DHRSX: variants seen among roughly 807,000 people sequenced by gnomAD.
DHRSX encodes polyprenol dehydrogenase.
In DHRSX, 31 loss-of-function variants were observed where a neutral mutation model predicts 34.0. That is an observed-to-expected ratio of 0.91 (90% CI 0.69 to 1.23). The LOEUF is 1.23. Among genes scored for constraint, DHRSX ranks in the 50% most tolerant of loss-of-function variants. The probability of loss-of-function intolerance (pLI) is 0.00; values close to 1 mark genes in which losing one functional copy is unlikely to be tolerated. For synonymous variants in DHRSX, 201 were observed against 183.8 expected (o/e 1.09, Z -0.76); for missense variants, 414 against 428.1 (o/e 0.97, Z 0.29).
At chrX:2,229,937 G>A (rs1205606182) in intron 6 of DHRSX, among the ~76,000 whole-genome samples, 6 of 152,156 alleles carry the variant, frequency 3.9e-5, no homozygotes, top group East Asian at 1.9e-4. Context: ...GAATGCACAT[G>A]TGAATATGTG....
chrX:2,370,772 G>C lies in DHRSX; in HGVS notation c.286+37973C>G, dbSNP rs138207566. ...ATCTAACGTGATCACATTTTGGTTG[G>C]GTTTCTCTCCTCCTATCAGGCCCCG... On this transcript the variant is annotated intron_variant, in intron 3 of 6. Transcript: ENST00000334651. 9.6e-3 allele frequency among the ~76,000 whole-genome samples: 1,459 copies of C among 152,062 alleles called. 40 individuals carry two copies. The highest frequency in any genetic ancestry group is 0.087 in the East Asian group (451 of 5,164).
intron 1 of DHRSX, among the ~76,000 whole-genome samples, chrX:2,462,356 G>GA (rs2044414637): frequency 6.6e-6 from 1 of 151,868 alleles, no homozygotes; most frequent in Non-Finnish European, 1.5e-5. Context: ...ACGGTTAAGG[G>GA]AAAAAAAGGC....
At chrX:2,276,113 A>G (rs2041636787) in intron 4 of DHRSX, among the ~76,000 whole-genome samples, 1 of 152,198 alleles carries the variant, frequency 6.6e-6, no homozygotes. Flanking sequence ...AAGTGCTGGG[A>G]TTACAGGCGT....
intron 5 of DHRSX, among the ~76,000 whole-genome samples, chrX:2,246,032 C>T (rs1370433382): frequency 4.0e-5 from 6 of 150,924 alleles, no homozygotes; most frequent in African/African-American, 1.2e-4. Flanking sequence ...ACGTTGCACA[C>T]GTCATCAGGA....
intron 1 of DHRSX, chrX:2,489,405 T>C: frequency 6.2e-7 from 1 of 1,613,848 alleles, no homozygotes; most frequent in Non-Finnish European, 8.5e-7. Context: ...TTGGAGTCGG[T>C]CTCCTTGATG....
intron 2 of DHRSX, among the ~76,000 whole-genome samples, chrX:2,409,997 C>T (rs2043605717): frequency 6.6e-6 from 1 of 152,140 alleles, no homozygotes; most frequent in Non-Finnish European, 1.5e-5. Flanking sequence ...CTCCACAGTG[C>T]TGGGATGACA....
chrX:2,313,134 C>T (rs1045230854), intron 3 of DHRSX, among the ~76,000 whole-genome samples: 3 of 151,184 alleles, frequency 2.0e-5, no homozygotes, highest in African/African-American at 7.3e-5. Context: ...TCCCAAGTAG[C>T]TGGAATTACA....
chrX:2,371,235 C>A lies in DHRSX; in HGVS notation c.286+37510G>T, dbSNP rs1471478363. Among the ~76,000 whole-genome samples, 15 of 139,780 alleles carry A rather than the reference C, an allele frequency of 1.1e-4. No homozygotes were observed. The Admixed American group carries it at 1.1e-3, about 10-fold the overall frequency. 91.7% of individuals were successfully genotyped at this position (139,780 alleles called of 152,430 possible). A position where few individuals can be genotyped will look rare whatever the true frequency, so the allele number is the denominator to read the frequency against. On this transcript the variant is annotated intron_variant, in intron 3 of 6. Transcript: ENST00000334651. Reference sequence around the variant, plus strand: ...TTCTCCCGTTACCGTAGTCCCTCCCCATTACCATAGTCCCTCCTCCATTAC... The same window carrying A: ...TTCTCCCGTTACCGTAGTCCCTCCCAATTACCATAGTCCCTCCTCCATTAC...
chrX:2,270,044 T>C (rs1480440907), intron 4 of DHRSX, among the ~76,000 whole-genome samples: 1 of 152,184 alleles, frequency 6.6e-6, no homozygotes, highest in Non-Finnish European at 1.5e-5. Flanking sequence ...TTTGTATATG[T>C]AGAGGTGTAT....
intron 3 of DHRSX, among the ~76,000 whole-genome samples, chrX:2,307,789 T>TAA (rs747096554): frequency 4.0e-4 from 41 of 103,694 alleles, no homozygotes; most frequent in Non-Finnish European, 7.4e-4. Flanking sequence ...GTAATAAAAA[T>TAA]AAAAAAAATA....
At chrX:2,500,559 G>T (rs2045395165) in intron 1 of DHRSX, 1 of 174,696 alleles carries the variant, frequency 5.7e-6, no homozygotes, top group Non-Finnish European at 1.2e-5. Context: ...CACGCGCGGG[G>T]AGGGAAGGGT....
intron 1 of DHRSX, among the ~76,000 whole-genome samples, chrX:2,485,767 GGAAGGAAGGGAGAAAAGGGAGA>G (rs1569506170): frequency 0.014 from 686 of 50,390 alleles, 26 homozygotes; most frequent in Admixed American, 0.085. Flanking sequence ...AGGGAGAGAA[GGAAGGAAGGGAGAAAAGGGAGA>G]GAAGGGAGAG....
chrX:2,251,964 A>G (rs950847834), intron 5 of DHRSX, among the ~76,000 whole-genome samples: 5 of 152,112 alleles, frequency 3.3e-5, no homozygotes, highest in African/African-American at 9.7e-5. Flanking sequence ...TTGGCTGGGT[A>G]TGGTGGCTTA....
chrX:2,260,458 T>C (rs1269380101), intron 5 of DHRSX, among the ~76,000 whole-genome samples: 1 of 137,320 alleles, frequency 7.3e-6, no homozygotes, highest in Non-Finnish European at 1.5e-5. Context: ...ATTTTCTACT[T>C]CATTTTTTTT....
chrX:2,469,061 A>C (rs2044546065), intron 1 of DHRSX, among the ~76,000 whole-genome samples: 3 of 150,590 alleles, frequency 2.0e-5, no homozygotes, highest in Non-Finnish European at 3.0e-5. Flanking sequence ...CCATGTACAC[A>C]CTGAAGGCAT....
At chrX:2,464,188 C>G (rs982604545) in intron 1 of DHRSX, among the ~76,000 whole-genome samples, 2 of 106,398 alleles carry the variant, frequency 1.9e-5, no homozygotes, top group African/African-American at 1.2e-4. Flanking sequence ...GTTTCCTAGG[C>G]ATGTGGCTAA....
chrX:2,305,563 C>A (rs1319061129), intron 3 of DHRSX, among the ~76,000 whole-genome samples: 3 of 152,060 alleles, frequency 2.0e-5, no homozygotes, highest in African/African-American at 7.2e-5. Context: ...CAGCACTGTT[C>A]ACAATATTAA....
At chrX:2,479,315 C>T (rs925964903) in intron 1 of DHRSX, among the ~76,000 whole-genome samples, 1 of 150,406 alleles carries the variant, frequency 6.6e-6, no homozygotes, top group African/African-American at 2.5e-5. Flanking sequence ...CCGCACTGTG[C>T]ACACTGAAGA....
intron 5 of DHRSX, among the ~76,000 whole-genome samples, chrX:2,245,971 A>AAC (rs1407682091): frequency 1.6e-4 from 22 of 134,956 alleles, no homozygotes; most frequent in African/African-American, 6.6e-4. Flanking sequence ...CAAAAAAAAC[A>AAC]AAAAAACAAA....
Sources: allele counts gnomAD v4.1 joint callset (sites outside exome capture counted in the v4.1 genomes callset), GRCh38; gene constraint gnomAD v4.1.1; transcripts MANE v1.5; gene names NCBI Gene and HGNC (gene_info 2026-07-23, HGNC 2026-07-21).